The following KDM1A variants were observed in gnomAD, a reference collection of about 807,000 sequenced individuals.
The protein encoded by KDM1A is lysine demethylase 1A, also known as lysine-specific histone demethylase 1A.
A neutral mutation model predicts 109.4 loss-of-function variants in KDM1A; 49 were observed. The ratio of observed to expected loss-of-function variants is 0.45; its 90% CI spans 0.36 to 0.57. The LOEUF is 0.57. Among genes scored for constraint, KDM1A ranks in the 20% least tolerant of loss-of-function variants. The pLI, the probability that KDM1A is intolerant of heterozygous loss-of-function variation, is 0.00. For missense variants in KDM1A, 668 were observed against 1,116.6 expected, an observed-to-expected ratio of 0.60 and a Z score of 5.73; for synonymous variants, 380 against 415.4, an observed-to-expected ratio of 0.91 and a Z score of 1.04.
intron 7 of KDM1A, 46 bp from the exon 8 acceptor site, chr1:23,057,437 TG>T (rs1642863802): frequency 1.4e-6 from 2 of 1,415,892 alleles, no homozygotes; most frequent in Admixed American, 1.7e-5. Flanking sequence ...GCCAGGTTTG[TG>T]GTTAAAACAG....
At chr1:23,068,709 T>TA in intron 11 of KDM1A, 28 bp downstream of exon 11, 1 of 1,474,438 alleles carries the variant, frequency 6.8e-7, no homozygotes, top group Non-Finnish European at 9.0e-7. Context: ...GCTTATTGTA[T>TA]AGTGAGTTCC....
chr1:23,024,408 C>T (rs1557493813), intron 1 of KDM1A, among the ~76,000 whole-genome samples: 1 of 152,118 alleles, frequency 6.6e-6, no homozygotes, highest in Non-Finnish European at 1.5e-5. Context: ...TTCAGTAGTT[C>T]TTCAGTGTAT....
intron 4 of KDM1A, among the ~76,000 whole-genome samples, chr1:23,053,260 C>A (rs1642724499): frequency 6.6e-6 from 1 of 152,162 alleles, no homozygotes; most frequent in African/African-American, 2.4e-5. Context: ...CCAGCTTCTT[C>A]AGTAATTTAC....
intron 19 of KDM1A, chr1:23,082,003 T>TCG: frequency 2.8e-6 from 1 of 363,460 alleles, no homozygotes; most frequent in South Asian, 4.1e-5. Context: ...TCTGGATTCA[T>TCG]AGACAGGAAG....
At chr1:23,036,453 C>G (rs547903443) in intron 2 of KDM1A, among the ~76,000 whole-genome samples, 1 of 93,314 alleles carries the variant, frequency 1.1e-5, no homozygotes, top group Non-Finnish European at 2.4e-5. Flanking sequence ...CGCCCCCCCC[C>G]TCCCCCGCCC....
intron 6 of KDM1A, 86 bp from the exon 7 acceptor site, chr1:23,055,846 G>GT: frequency 1.4e-6 from 1 of 705,848 alleles, no homozygotes; most frequent in East Asian, 2.7e-5. Context: ...ATTATGTTAA[G>GT]AACCTAGAGG....
chr1:23,038,311 TAATC>T (rs752790796), intron 2 of KDM1A, among the ~76,000 whole-genome samples: 4 of 152,012 alleles, frequency 2.6e-5, no homozygotes, highest in South Asian at 4.2e-4. Context: ...ATCTTGATAA[TAATC>T]TTTTAAGTTA....
chr1:23,020,211 C>T (rs1486617563), intron 1 of KDM1A: 5 of 365,344 alleles, frequency 1.4e-5, no homozygotes, highest in African/African-American at 2.1e-5. Context: ...GTATTTTATT[C>T]CTTAGGTCTT....
Position 23,079,439 on chromosome 1 carries a change from T to C in KDM1A, c.2056-114T>C. 1 of 816,126 alleles carries C rather than the reference T, an allele frequency of 1.2e-6. No individual in the cohort carries two copies. Among genetic ancestry groups the C allele is most frequent in the South Asian group, 1.7e-5 (1 of 57,214 alleles). The allele number at this position is 816,126 out of a possible 1,614,324, so 50.6% of individuals were successfully genotyped here. A position where few individuals can be genotyped will look rare whatever the true frequency, so the allele number is the denominator to read the frequency against. On this transcript the variant is annotated intron_variant, in intron 17 of 20. Coordinates refer to ENST00000400181, the MANE Select transcript of KDM1A (RefSeq NM_001009999.3). This position sits in a 1 kb window ranked among gnomAD's most constrained non-coding sequence, Gnocchi z 5.6. ...GGATCGTAAATGTCATCCTAAATAATAAGGATTGCTGGGCTTATTTTGAAA... is the reference window on the plus strand; with the variant it reads ...GGATCGTAAATGTCATCCTAAATAACAAGGATTGCTGGGCTTATTTTGAAA...
chr1:23,042,793 G>A (rs527348562), intron 2 of KDM1A, among the ~76,000 whole-genome samples: 2 of 151,210 alleles, frequency 1.3e-5, no homozygotes, highest in Non-Finnish European at 2.9e-5. Context: ...CTGTCGCCCA[G>A]GCTGGAGTGC....
At chr1:23,082,194 A>G (rs1643640468) in intron 19 of KDM1A, 26 bp from the exon 20 acceptor site, 3 of 1,609,102 alleles carry the variant, frequency 1.9e-6, no homozygotes, top group Admixed American at 1.7e-5. Flanking sequence ...TCTCGTAATG[A>G]CTTTTGCTCC....
At chr1:23,048,477 T>G (rs1431133220) in intron 3 of KDM1A, among the ~76,000 whole-genome samples, 1 of 152,192 alleles carries the variant, frequency 6.6e-6, no homozygotes, top group African/African-American at 2.4e-5. Context: ...GTCTTTAATT[T>G]TGGGTATGGA....
chr1:23,031,384 A>G (rs924016188), intron 2 of KDM1A, among the ~76,000 whole-genome samples: 1 of 152,172 alleles, frequency 6.6e-6, no homozygotes, highest in Non-Finnish European at 1.5e-5. Flanking sequence ...AATTTTTACT[A>G]AGTTCCTCTT....
chr1:23,073,571 C>T (rs1371945490), intron 15 of KDM1A, among the ~76,000 whole-genome samples, 168 bp downstream of exon 15: 1 of 152,240 alleles, frequency 6.6e-6, no homozygotes. Context: ...TGCCAGACTT[C>T]AGTCATAAGC....
At chr1:23,068,399 A>G (rs892592852) in intron 10 of KDM1A, 140 bp from the exon 11 acceptor site, 11 of 635,094 alleles carry the variant, frequency 1.7e-5, no homozygotes, top group Non-Finnish European at 2.5e-5. Context: ...CATAGAAAAG[A>G]AAATTTGAAT....
chr1:23,033,773 C>A (rs1408041852), intron 2 of KDM1A, among the ~76,000 whole-genome samples: 8 of 152,070 alleles, frequency 5.3e-5, no homozygotes, highest in Non-Finnish European at 8.8e-5. Flanking sequence ...TTGTGAATAG[C>A]CTTGGTTGAC....
chr1:23,080,674 G>T (rs944059923), intron 18 of KDM1A, among the ~76,000 whole-genome samples: 2 of 152,116 alleles, frequency 1.3e-5, no homozygotes, highest in Admixed American at 6.5e-5. Flanking sequence ...GAGCCTCTGC[G>T]TGTACTGTGG....
Position 23,030,574 on chromosome 1 carries a change from C to T in KDM1A, c.457C>T (p.Pro153Ser). Residue 153 changes from proline (P) to serine (S), a missense_variant, in exon 2 of 21, where the codon CCA becomes TCA. Pro to Ser is a moderately conservative substitution (Grantham distance 74). Coordinates refer to ENST00000400181, the MANE Select transcript of KDM1A (RefSeq NM_001009999.3). Reference sequence around the variant, plus strand: ...AGCAGAGAAGGAAAAGAAGCTTCCCCCACCACCCCCTCAAGCCCCACCTGA... The same window carrying T: ...AGCAGAGAAGGAAAAGAAGCTTCCCTCACCACCCCCTCAAGCCCCACCTGA... ...AKAEKEKKLP[P>S]PPPQAPPEEE... 2 of 1,611,424 alleles carry T rather than the reference C, an allele frequency of 1.2e-6. No homozygotes were observed. The highest frequency in any genetic ancestry group is 1.7e-6 in the Non-Finnish European group (2 of 1,179,232).
At chr1:23,052,605 A>C (rs1642705784) in intron 4 of KDM1A, among the ~76,000 whole-genome samples, 1 of 152,170 alleles carries the variant, frequency 6.6e-6, no homozygotes, top group Admixed American at 6.6e-5. Flanking sequence ...CTTTGAAGAG[A>C]ATTCATTTTA....
Sources: gnomAD v4.1 joint callset for allele counts (sites outside exome capture counted in the v4.1 genomes callset) on GRCh38, gnomAD v4.1.1 for gene constraint, Gnocchi (gnomAD v3.1) non-coding constraint, MANE v1.5 for transcripts, NCBI Gene and HGNC (gene_info 2026-07-23, HGNC 2026-07-21) for gene names.